The following COL25A1 variants were observed in gnomAD, a reference collection of about 807,000 sequenced individuals.
COL25A1 encodes collagen alpha-1(XXV) chain.
Under a neutral mutation model 128.4 loss-of-function variants are expected in COL25A1, and 103 were observed. The ratio of observed to expected loss-of-function variants is 0.80; its 90% CI spans 0.68 to 0.94. The LOEUF (loss-of-function observed/expected upper bound fraction) is 0.94, where lower values mean the gene tolerates loss of function less well. COL25A1 is among the 40% of genes least tolerant of loss of function. The pLI, the probability that COL25A1 is intolerant of heterozygous loss-of-function variation, is 0.00. For synonymous variants in COL25A1, 279 were observed against 277.2 expected (o/e 1.01, Z -0.06); for missense variants, 745 against 840.0 (o/e 0.89, Z 1.40).
chr4:109,171,152 G>T (rs1472292531), intron 3 of COL25A1, among the ~76,000 whole-genome samples: 1 of 152,098 alleles, frequency 6.6e-6, no homozygotes, highest in Non-Finnish European at 1.5e-5. Context: ...GGATGACTAA[G>T]AAGAAGCAAA....
At chr4:109,137,575 T>C (rs1045983890) in intron 3 of COL25A1, among the ~76,000 whole-genome samples, 1 of 152,118 alleles carries the variant, frequency 6.6e-6, no homozygotes, top group Non-Finnish European at 1.5e-5. Context: ...GTCCTTCCCA[T>C]CCACCCCAAA....
chr4:109,259,409 T>C (rs1458375350), intron 3 of COL25A1, among the ~76,000 whole-genome samples: 2 of 152,218 alleles, frequency 1.3e-5, no homozygotes, highest in Non-Finnish European at 2.9e-5. Context: ...TGGTACTTCT[T>C]AATCACTAGA....
chr4:108,871,420 A>C, intron 19 of COL25A1, among the ~76,000 whole-genome samples: 1 of 151,932 alleles, frequency 6.6e-6, no homozygotes, highest in East Asian at 1.9e-4. Flanking sequence ...GGTTCACGCC[A>C]TTTTCCTGCC....
chr4:109,216,328 A>AG (rs1182815098), intron 3 of COL25A1, among the ~76,000 whole-genome samples: 2 of 151,454 alleles, frequency 1.3e-5, no homozygotes, highest in African/African-American at 4.8e-5. Context: ...GAAGGAAGGA[A>AG]GGGGGGGCAG....
At position 109,001,412 on chromosome 4, in the gene COL25A1, G is replaced by GTCAGGTAGGCATCTGAGATCCTA. The variant is rs1235075802; in HGVS notation, c.438+8945_438+8946insTAGGATCTCAGATGCCTACCTGA. Among the ~76,000 whole-genome samples the GTCAGGTAGGCATCTGAGATCCTA allele has an allele frequency of 6.6e-4, 97 of 147,126 alleles. 6 individuals carry two copies. The highest frequency in any genetic ancestry group is 3.4e-3 in the Middle Eastern group (1 of 292). ...CTGTCAGGTAGGCATCTGAGATCCT[G>GTCAGGTAGGCATCTGAGATCCTA]TCAGGTAGGCAGTGAGCTAGAGGGT... On this transcript the variant is annotated intron_variant, in intron 6 of 37. Transcript: ENST00000399132.
chr4:109,069,292 GCCTCGA>G (rs751274823), intron 3 of COL25A1, among the ~76,000 whole-genome samples: 1 of 151,254 alleles, frequency 6.6e-6, no homozygotes, highest in Non-Finnish European at 1.5e-5. Context: ...GCTCACTGCA[GCCTCGA>G]CCTCCCTGGC....
intron 3 of COL25A1, among the ~76,000 whole-genome samples, chr4:109,246,389 T>C (rs1006146712): frequency 6.6e-6 from 1 of 152,140 alleles, no homozygotes; most frequent in African/African-American, 2.4e-5. Flanking sequence ...TTCATCTATA[T>C]CAATGAAATT....
At chr4:108,944,269 T>C (rs558725812) in intron 8 of COL25A1, among the ~76,000 whole-genome samples, 2 of 152,344 alleles carry the variant, frequency 1.3e-5, no homozygotes, top group East Asian at 3.9e-4. Context: ...ATATAGATTC[T>C]GCATAAATTC....
chr4:109,246,577 T>A (rs992792964), intron 3 of COL25A1, among the ~76,000 whole-genome samples: 1 of 152,140 alleles, frequency 6.6e-6, no homozygotes, highest in Non-Finnish European at 1.5e-5. Flanking sequence ...TCTATAAATT[T>A]AAAAAAATCT....
chr4:109,254,509 A>ATATATATATATATATATATG (rs59126671), intron 3 of COL25A1, among the ~76,000 whole-genome samples: 4 of 104,538 alleles, frequency 3.8e-5, no homozygotes, highest in African/African-American at 1.1e-4. Context: ...ATATATATGT[A>ATATATATATATATATATATG]TGTGTGTATA....
At chr4:109,081,424 C>T (rs1025659051) in intron 3 of COL25A1, among the ~76,000 whole-genome samples, 1 of 152,142 alleles carries the variant, frequency 6.6e-6, no homozygotes, top group Non-Finnish European at 1.5e-5. Context: ...CCAAACTGAT[C>T]TAACTAAACT....
At position 109,108,229 on chromosome 4, in the gene COL25A1, A is replaced by G. The variant is rs571315062; in HGVS notation, c.368-58050T>C. Among the ~76,000 whole-genome samples the G allele has an allele frequency of 1.7e-4, 26 of 152,104 alleles. No individual in the cohort carries two copies. In the South Asian group the frequency reaches 4.6e-3, roughly 27 times the overall value. ...CGGTGTGTGATGTTCCCCTTCCTGT[A>G]TCCATGTGTTCTCATTGTTCAATTC... On this transcript the variant is annotated intron_variant, in intron 3 of 37. Transcript: ENST00000399132.
At position 108,992,166 on chromosome 4, in the gene COL25A1, G is replaced by A. The variant is rs540968813; in HGVS notation, c.439-17607C>T. Among the ~76,000 whole-genome samples, 44 of 152,130 alleles carry A rather than the reference G, an allele frequency of 2.9e-4. No homozygotes were observed. The South Asian group carries it at 5.4e-3, about 19-fold the overall frequency. On this transcript the variant is annotated intron_variant, in intron 6 of 37. Coordinates refer to ENST00000399132, the MANE Select transcript of COL25A1 (RefSeq NM_198721.4). Reference sequence around the variant, plus strand: ...ACTGAGTAATACAGAATTACAACACGCATAACACTTTACTCCTCCAAATTC... The same window carrying A: ...ACTGAGTAATACAGAATTACAACACACATAACACTTTACTCCTCCAAATTC...
chr4:108,935,690 A>G (rs1202031998), intron 11 of COL25A1, among the ~76,000 whole-genome samples: 1 of 152,150 alleles, frequency 6.6e-6, no homozygotes. Context: ...ATTGGAGCAC[A>G]CTAAGATAAT....
At position 109,014,306 on chromosome 4, in the gene COL25A1, CA is replaced by C. The variant is rs111315971; in HGVS notation, c.421-3932del. Among the ~76,000 whole-genome samples, 108 of 147,050 alleles carry C rather than the reference CA, an allele frequency of 7.3e-4. 1 individual carries two copies. Among genetic ancestry groups the C allele is most frequent in the Non-Finnish European group, 9.8e-4 (65 of 66,156 alleles). On this transcript the variant is annotated intron_variant, in intron 5 of 37. Coordinates refer to ENST00000399132, the MANE Select transcript of COL25A1 (RefSeq NM_198721.4). ...TCAGTTATAGAGTGACACTCTGTCT[CA>C]AAAAAAAAAAGTGTAAACATGAATA...
At chr4:109,084,304 A>G (rs1421480337) in intron 3 of COL25A1, among the ~76,000 whole-genome samples, 1 of 152,242 alleles carries the variant, frequency 6.6e-6, no homozygotes, top group Admixed American at 6.5e-5. Flanking sequence ...AAAGACAAAA[A>G]TGAATAAATT....
intron 3 of COL25A1, among the ~76,000 whole-genome samples, chr4:109,291,715 G>T (rs1481819732): frequency 6.6e-6 from 1 of 151,980 alleles, no homozygotes; most frequent in Non-Finnish European, 1.5e-5. Context: ...GAAGAAATTT[G>T]AAGAAACACA....
chr4:109,138,678 T>TTTTTTG (rs776260448), intron 3 of COL25A1, among the ~76,000 whole-genome samples: 5 of 151,968 alleles, frequency 3.3e-5, no homozygotes, highest in Non-Finnish European at 5.9e-5. Flanking sequence ...GTTGTTGTTG[T>TTTTTTG]TTTTTGTTTT....
At chr4:108,823,361 A>C (rs900886679) in intron 35 of COL25A1, among the ~76,000 whole-genome samples, 8 of 151,426 alleles carry the variant, frequency 5.3e-5, no homozygotes, top group African/African-American at 1.9e-4. Flanking sequence ...ATACTGAGAA[A>C]GGGGTGGTAG....
Sources: allele counts gnomAD v4.1 joint callset (sites outside exome capture counted in the v4.1 genomes callset), GRCh38; gene constraint gnomAD v4.1.1; transcripts MANE v1.5; gene names NCBI Gene and HGNC (gene_info 2026-07-23, HGNC 2026-07-21).